Variants in COLEC11 observed in about 807,000 individuals in gnomAD.
The protein encoded by COLEC11 is collectin-11.
A neutral mutation model predicts 27.3 loss-of-function variants in COLEC11; 20 were observed. That is an observed-to-expected ratio of 0.73 (90% CI 0.51 to 1.06). The LOEUF (loss-of-function observed/expected upper bound fraction) is 1.06. Among genes scored for constraint, COLEC11 ranks in the 50% least tolerant of loss-of-function variants. The probability of loss-of-function intolerance (pLI) is 0.00; values close to 1 mark genes in which losing one functional copy is unlikely to be tolerated. For synonymous variants in COLEC11, 163 were observed against 154.7 expected (o/e 1.05, Z -0.40); for missense variants, 310 against 383.0 (o/e 0.81, Z 1.59).
At chr2:3,612,664 TC>T (rs1340291655) in intron 2 of COLEC11, among the ~76,000 whole-genome samples, 1 of 152,086 alleles carries the variant, frequency 6.6e-6, no homozygotes, top group Admixed American at 6.5e-5. Flanking sequence ...CCACAGGCCT[TC>T]CTGAGGCCCC....
At chr2:3,628,628 C>A (rs13019094) in intron 3 of COLEC11, among the ~76,000 whole-genome samples, 33 of 152,204 alleles carry the variant, frequency 2.2e-4, no homozygotes, top group Admixed American at 1.3e-3. Context: ...CCCCACCCCC[C>A]ATTCGAGGAG....
At position 3,643,528 on chromosome 2, in the gene COLEC11, T is replaced by A; in HGVS notation, c.413T>A (p.Phe138Tyr). The A allele has an allele frequency of 1.2e-6, 2 of 1,613,726 alleles. No homozygotes were observed. The highest frequency in any genetic ancestry group is 1.7e-6 in the Non-Finnish European group (2 of 1,179,876). ...TCTCAGCTGACCAGCGAGCTCAAGT[T>A]CATCAAGAATGGTATGTGGCTCCCG... is the stretch of plus-strand genomic sequence containing the variant. ...QVSQLTSELK[F>Y]IKNAVAGVRE... The change falls in exon 6 of 7, where the codon TTC (phenylalanine) becomes TAC (tyrosine). Residue 138 changes from phenylalanine to tyrosine, a missense_variant. Phe to Tyr is a conservative substitution (Grantham distance 22, BLOSUM62 3). Coordinates refer to ENST00000349077, the MANE Select transcript of COLEC11 (RefSeq NM_024027.5).
chr2:3,614,105 T>G (rs1230472374), intron 3 of COLEC11, among the ~76,000 whole-genome samples: 1 of 150,876 alleles, frequency 6.6e-6, no homozygotes, highest in Non-Finnish European at 1.5e-5. Context: ...ACCTGTTGAG[T>G]AGCTGGCATG....
At chr2:3,627,940 GC>G (rs1558508938) in intron 3 of COLEC11, among the ~76,000 whole-genome samples, 1 of 152,206 alleles carries the variant, frequency 6.6e-6, no homozygotes, top group East Asian at 1.9e-4. Flanking sequence ...GGGTGTGACA[GC>G]CCTGCTCCCA....
intron 3 of COLEC11, among the ~76,000 whole-genome samples, chr2:3,627,044 T>G (rs1664606542): frequency 6.6e-6 from 1 of 152,178 alleles, no homozygotes; most frequent in Non-Finnish European, 1.5e-5. Flanking sequence ...TGGATAGCTT[T>G]CTAGCTCGTT....
Position 3,616,424 on chromosome 2 carries a change from T to C in COLEC11, c.202+3042T>C, listed in dbSNP as rs529670222. On this transcript the variant is annotated intron_variant, in intron 3 of 6. Coordinates refer to ENST00000349077, the MANE Select transcript of COLEC11 (RefSeq NM_024027.5). ...AAGGCAGGCGGCTGGGAGGTGGAGG[T>C]TGTAGCAAGCCGAGATCACGCCACT... Among the ~76,000 whole-genome samples the C allele has an allele frequency of 4.0e-5, 6 of 151,546 alleles. No individual in the cohort carries two copies. The South Asian group carries it at 1.0e-3, about 26-fold the overall frequency.
At position 3,641,203 on chromosome 2, in the gene COLEC11, G is replaced by A. The variant is rs746092740; in HGVS notation, c.328+872G>A. ...CTTGGATACCAGGGAGAAAAGAGAG[G>A]GGCTGGATTTCTGAATAAAAGTCCT... On this transcript the variant is annotated intron_variant, in intron 5 of 6. Transcript: ENST00000349077. The A allele has an allele frequency of 3.2e-5, 41 of 1,301,266 alleles. 2 individuals carry two copies. In the South Asian group the frequency reaches 4.8e-4, roughly 15 times the overall value. 80.6% of individuals were successfully genotyped at this position (1,301,266 alleles called of 1,614,324 possible).
chr2:3,596,337 ATT>A (rs369478323), intron 1 of COLEC11, among the ~76,000 whole-genome samples: 3 of 132,758 alleles, frequency 2.3e-5, no homozygotes, highest in Non-Finnish European at 1.6e-5. Context: ...TGTCTATTTC[ATT>A]TTTTTTTTTT....
rs531434066 is a variant in COLEC11, at chr2:3,643,562, C to G, written c.424+23C>G. 56 of 1,607,638 alleles carry G rather than the reference C, an allele frequency of 3.5e-5. No homozygotes were observed. In the East Asian group the frequency reaches 1.1e-3, roughly 32 times the overall value. On this transcript the variant is annotated intron_variant, in intron 6 of 6. Coordinates refer to ENST00000349077, the MANE Select transcript of COLEC11 (RefSeq NM_024027.5). ...ATGGTATGTGGCTCCCGGCGCCGCC[C>G]TCGCTCCCTCCCACCTCCCAGCCCT...
intron 3 of COLEC11, among the ~76,000 whole-genome samples, chr2:3,627,747 G>A (rs1379165322): frequency 6.6e-6 from 1 of 151,708 alleles, no homozygotes; most frequent in Non-Finnish European, 1.5e-5. Flanking sequence ...GTAGATCTAG[G>A]TATGACGATG....
chr2:3,600,836 A>G (rs1315457558), intron 1 of COLEC11, among the ~76,000 whole-genome samples: 1 of 152,226 alleles, frequency 6.6e-6, no homozygotes, highest in African/African-American at 2.4e-5. Flanking sequence ...AAGCTGGGCA[A>G]TGGGTATATG....
At chr2:3,615,943 ATGC>A (rs1174532411) in intron 3 of COLEC11, among the ~76,000 whole-genome samples, 2 of 87,532 alleles carry the variant, frequency 2.3e-5, no homozygotes, top group Non-Finnish European at 5.6e-5. Flanking sequence ...CCGGGTGGAG[ATGC>A]TCCTCACTTC....
chr2:3,631,813 C>T (rs1665025723), intron 3 of COLEC11, among the ~76,000 whole-genome samples: 1 of 152,132 alleles, frequency 6.6e-6, no homozygotes, highest in African/African-American at 2.4e-5. Flanking sequence ...CTGTCTCCTG[C>T]CTCCTGGGCT....
intron 1 of COLEC11, among the ~76,000 whole-genome samples, chr2:3,597,301 C>T (rs796110897): frequency 3.4e-5 from 5 of 147,206 alleles, no homozygotes; most frequent in East Asian, 2.0e-4. Context: ...AGTGAAGGCA[C>T]GAGAAATCCC....
chr2:3,627,320 C>T (rs1170626365), intron 3 of COLEC11, among the ~76,000 whole-genome samples: 6 of 109,066 alleles, frequency 5.5e-5, no homozygotes, highest in African/African-American at 1.6e-4. Context: ...GGCATGATGA[C>T]GGGGGGCATG....
intron 1 of COLEC11, chr2:3,603,331 T>C (rs1222136136): frequency 9.9e-6 from 2 of 203,024 alleles, no homozygotes; most frequent in African/African-American, 2.3e-5. Context: ...TATTTTATTT[T>C]TTTTTGGGAC....
intron 2 of COLEC11, among the ~76,000 whole-genome samples, chr2:3,611,694 G>T (rs1199782780): frequency 1.3e-5 from 2 of 152,164 alleles, no homozygotes; most frequent in African/African-American, 4.8e-5. Context: ...TGCGGGGCTG[G>T]GGCTGTGGCA....
intron 3 of COLEC11, among the ~76,000 whole-genome samples, chr2:3,613,976 C>CTTTTTTTTTTTTTTTTTTTTTTTT (rs1461288131): frequency 1.3e-4 from 12 of 91,308 alleles, no homozygotes; most frequent in African/African-American, 3.8e-4. Context: ...TTCTTTCTTT[C>CTTTTTTTTTTTTTTTTTTTTTTTT]TTTCTTTTTT....
chr2:3,605,942 C>T, intron 2 of COLEC11: 1 of 953,036 alleles, frequency 1.0e-6, no homozygotes, highest in Non-Finnish European at 1.5e-6. Context: ...TCCTGCAGCC[C>T]AGACAAGCCC....
Sources: gnomAD v4.1 joint callset for allele counts (sites outside exome capture counted in the v4.1 genomes callset) on GRCh38, gnomAD v4.1.1 for gene constraint, MANE v1.5 for transcripts, NCBI Gene and HGNC (gene_info 2026-07-23, HGNC 2026-07-21) for gene names.